The following TYW1 variants were observed in gnomAD, a reference collection of about 807,000 sequenced individuals.
The protein encoded by TYW1 is tRNA-yW synthesizing protein 1 homolog.
Under a neutral mutation model 96.2 loss-of-function variants are expected in TYW1, and 46 were observed. The ratio of observed to expected loss-of-function variants is 0.48; its 90% confidence interval spans 0.38 to 0.61. TYW1 has a LOEUF of 0.61. TYW1 is among the 20% of genes least tolerant of loss of function. TYW1 has a pLI of 0.00. For missense variants in TYW1, 684 were observed against 909.6 expected, an observed-to-expected ratio of 0.75 and a Z score of 3.19; for synonymous variants, 274 against 323.0, an observed-to-expected ratio of 0.85 and a Z score of 1.63.
chr7:67,034,719 TC>T (rs1355805647), intron 7 of TYW1, among the ~76,000 whole-genome samples: 1 of 152,228 alleles, frequency 6.6e-6, no homozygotes, highest in African/African-American at 2.4e-5. Context: ...CGTAATGATG[TC>T]CCACAATTTA....
intron 15 of TYW1, among the ~76,000 whole-genome samples, chr7:67,225,855 C>T (rs1020815922): frequency 2.7e-5 from 4 of 150,146 alleles, no homozygotes; most frequent in Admixed American, 1.3e-4. Flanking sequence ...AATGGTTCCA[C>T]GGGCAACTGT....
At chr7:67,066,637 C>T (rs141826030) in intron 9 of TYW1, among the ~76,000 whole-genome samples, 2,624 of 152,182 alleles carry the variant, frequency 0.017, 74 homozygotes, top group African/African-American at 0.059. Context: ...TCGCTTGAGA[C>T]CAGGAGTTCA....
At chr7:67,170,408 G>C (rs149349662) in intron 13 of TYW1, among the ~76,000 whole-genome samples, 14,501 of 152,068 alleles carry the variant, frequency 0.095, 783 homozygotes, top group Middle Eastern at 0.14. Context: ...TTGGGTCTTT[G>C]GGTTCCTATG....
intron 10 of TYW1, among the ~76,000 whole-genome samples, chr7:67,072,089 T>C (rs1796046917): frequency 2.0e-5 from 3 of 149,860 alleles, no homozygotes; most frequent in Admixed American, 6.7e-5. Flanking sequence ...CCCAGGCGCA[T>C]GCAGGTGCTT....
At chr7:67,218,713 T>A (rs1801283938) in intron 15 of TYW1, among the ~76,000 whole-genome samples, 1 of 152,190 alleles carries the variant, frequency 6.6e-6, no homozygotes, top group African/African-American at 2.4e-5. Flanking sequence ...TGTTCATTAT[T>A]AGTATGTGGA....
At chr7:67,127,323 T>A (rs1797940213) in intron 13 of TYW1, among the ~76,000 whole-genome samples, 1 of 151,964 alleles carries the variant, frequency 6.6e-6, no homozygotes, top group South Asian at 2.1e-4. Flanking sequence ...TACACTTGGC[T>A]AATTTTTTTA....
At chr7:67,022,943 A>G (rs1182368121) in intron 6 of TYW1, among the ~76,000 whole-genome samples, 1 of 152,204 alleles carries the variant, frequency 6.6e-6, no homozygotes, top group African/African-American at 2.4e-5. Context: ...CATCTGGCAC[A>G]GGACAGGCGT....
chr7:67,061,243 CTA>C (rs1244732682), intron 9 of TYW1, among the ~76,000 whole-genome samples: 2 of 151,992 alleles, frequency 1.3e-5, no homozygotes, highest in African/African-American at 4.8e-5. Context: ...GAAAAATTAT[CTA>C]GTTTCAGCTA....
chr7:67,107,359 A>G (rs1467613239), intron 12 of TYW1, among the ~76,000 whole-genome samples: 1 of 152,204 alleles, frequency 6.6e-6, no homozygotes, highest in Non-Finnish European at 1.5e-5. Context: ...TGCACTAAAC[A>G]TATGAAGTTT....
intron 13 of TYW1, among the ~76,000 whole-genome samples, chr7:67,153,940 T>G (rs1343948312): frequency 8.4e-6 from 1 of 119,288 alleles, no homozygotes; most frequent in Non-Finnish European, 1.8e-5. Flanking sequence ...TTTTTTTTTT[T>G]TTTTTGAGAC....
chr7:67,088,112 G>T (rs1271584715), intron 11 of TYW1, among the ~76,000 whole-genome samples: 2 of 152,118 alleles, frequency 1.3e-5, no homozygotes, highest in Non-Finnish European at 2.9e-5. Context: ...TGATCCTTCT[G>T]CCTGGGCCTC....
intron 15 of TYW1, among the ~76,000 whole-genome samples, chr7:67,200,137 C>G (rs1346251320): frequency 6.6e-6 from 1 of 152,070 alleles, no homozygotes; most frequent in African/African-American, 2.4e-5. Context: ...GACATGGCAC[C>G]AAGTGTGCGC....
intron 13 of TYW1, among the ~76,000 whole-genome samples, chr7:67,168,437 A>T (rs1799417494): frequency 6.6e-6 from 1 of 152,172 alleles, no homozygotes; most frequent in African/African-American, 2.4e-5. Flanking sequence ...GAGTAAGGAG[A>T]ATAGGCCCTC....
At chr7:67,003,059 C>T (rs74299235) in intron 3 of TYW1, among the ~76,000 whole-genome samples, 30,457 of 151,806 alleles carry the variant, frequency 0.2, 3,229 homozygotes, top group East Asian at 0.3. Flanking sequence ...GCTTGAGCCA[C>T]GCGCCTGGCC....
Position 67,097,815 on chromosome 7 carries a change from C to T in TYW1, c.1385-726C>T, listed in dbSNP as rs536886380. The stretch of plus-strand genomic sequence containing the variant: ...TCAAGTGATCTTCCCACCTCAGCCT[C>T]CCAAGTAGTTGGGACCACAGACATG... On this transcript the variant is annotated intron_variant, in intron 11 of 15. Transcript: ENST00000359626. 1.4e-4 allele frequency among the ~76,000 whole-genome samples: 21 copies of T among 152,082 alleles called. No homozygotes were observed. The South Asian group carries it at 4.2e-3, about 30-fold the overall frequency.
At chr7:67,118,329 AAAAT>A (rs1471296296) in intron 13 of TYW1, among the ~76,000 whole-genome samples, 1 of 152,114 alleles carries the variant, frequency 6.6e-6, no homozygotes, top group African/African-American at 2.4e-5. Context: ...TCTGTCTCAA[AAAAT>A]AAATAAATAA....
intron 13 of TYW1, among the ~76,000 whole-genome samples, chr7:67,121,636 A>T (rs1183762509): frequency 6.6e-6 from 1 of 151,166 alleles, no homozygotes; most frequent in Non-Finnish European, 1.5e-5. Context: ...TAGAGCATCC[A>T]TACTGTTATC....
rs529852139 is a variant in TYW1 at position 67,045,530 on chromosome 7, T to C, written c.985-4419T>C. On this transcript the variant is annotated intron_variant, in intron 7 of 15. Transcript: ENST00000359626. Reference sequence around the variant, plus strand: ...ACTGTACCCAACCAGTATCGTATGATATTTAAAACAAAAACAAACAAAAAA... The same window carrying C: ...ACTGTACCCAACCAGTATCGTATGACATTTAAAACAAAAACAAACAAAAAA... Among the ~76,000 whole-genome samples the C allele has an allele frequency of 6.6e-5, 10 of 152,344 alleles. No homozygotes were observed. In the South Asian group the frequency reaches 1.9e-3, roughly 28 times the overall value.
At chr7:67,183,056 G>C in intron 13 of TYW1, 70 bp from the exon 14 acceptor site, 1 of 1,381,326 alleles carries the variant, frequency 7.2e-7, no homozygotes, top group Non-Finnish European at 9.7e-7. Flanking sequence ...GAAAAAGCTT[G>C]AGAAACCCTC....
Sources: allele counts gnomAD v4.1 joint callset (sites outside exome capture counted in the v4.1 genomes callset), GRCh38; gene constraint gnomAD v4.1.1; transcripts MANE v1.5; gene names NCBI Gene and HGNC (gene_info 2026-07-23, HGNC 2026-07-21).